Variants in DCLK1 observed in about 807,000 individuals in gnomAD.
DCLK1 encodes the protein serine/threonine-protein kinase DCLK1.
DCLK1 carries 16 observed loss-of-function variants against 86.2 expected under a neutral mutation model. The observed-to-expected ratio is 0.19, with a 90% CI of 0.13 to 0.28. DCLK1 has a LOEUF of 0.28. Among genes scored for constraint, DCLK1 ranks in the 10% least tolerant of loss-of-function variants. The pLI is 1.00. For missense variants in DCLK1, 590 were observed against 940.2 expected (o/e 0.63, Z 4.87); for synonymous variants, 369 against 370.5 (o/e 1.00, Z 0.05).
At chr13:35,875,090 C>CT (rs1238422386) in intron 4 of DCLK1, among the ~76,000 whole-genome samples, 1 of 152,122 alleles carries the variant, frequency 6.6e-6, no homozygotes, top group Non-Finnish European at 1.5e-5. Flanking sequence ...AGTGAGGCCT[C>CT]TTTTTGCTAA....
intron 3 of DCLK1, among the ~76,000 whole-genome samples, chr13:36,102,258 T>TA (rs78130552): frequency 1.0e-3 from 151 of 150,568 alleles, no homozygotes; most frequent in African/African-American, 3.3e-3. Flanking sequence ...TTTTTTTTAA[T>TA]AAAAAAAATC....
chr13:35,796,107 T>G (rs1369751217), intron 15 of DCLK1, among the ~76,000 whole-genome samples: 1 of 152,184 alleles, frequency 6.6e-6, no homozygotes, highest in Non-Finnish European at 1.5e-5. Flanking sequence ...TAGTATCATG[T>G]CTTGGCAGAG....
At chr13:35,910,323 C>T (rs1874938915) in intron 4 of DCLK1, among the ~76,000 whole-genome samples, 1 of 152,160 alleles carries the variant, frequency 6.6e-6, no homozygotes, top group Admixed American at 6.5e-5. Flanking sequence ...TCTGCCTCTA[C>T]AGGAGATGAA....
chr13:35,779,573 A>C (rs1240938434), intron 16 of DCLK1, among the ~76,000 whole-genome samples: 1 of 152,196 alleles, frequency 6.6e-6, no homozygotes, highest in African/African-American at 2.4e-5. Context: ...TTTCTGAATA[A>C]TAACAATAGC....
intron 6 of DCLK1, chr13:35,849,258 T>A: frequency 1.0e-6 from 1 of 985,362 alleles, no homozygotes; most frequent in African/African-American, 1.7e-5. Context: ...GTTGAACAAT[T>A]TATCAGGGAG....
intron 3 of DCLK1, among the ~76,000 whole-genome samples, chr13:36,026,492 T>A (rs986415137): frequency 7.2e-5 from 11 of 152,154 alleles, no homozygotes; most frequent in African/African-American, 2.2e-4. Flanking sequence ...CCATACTACA[T>A]CTAAGACATT....
chr13:35,974,373 G>A (rs1406850455), intron 3 of DCLK1, among the ~76,000 whole-genome samples: 1 of 152,212 alleles, frequency 6.6e-6, no homozygotes, highest in Non-Finnish European at 1.5e-5. Context: ...GCAGAGGGAA[G>A]ACCGTGTAAG....
At chr13:35,853,087 C>A (rs953632628) in intron 6 of DCLK1, among the ~76,000 whole-genome samples, 1 of 152,310 alleles carries the variant, frequency 6.6e-6, no homozygotes, top group Non-Finnish European at 1.5e-5. Flanking sequence ...ACCAGCTCTT[C>A]CTTCACTCAA....
At chr13:35,942,463 A>G (rs1329720942) in intron 4 of DCLK1, among the ~76,000 whole-genome samples, 2 of 152,148 alleles carry the variant, frequency 1.3e-5, no homozygotes, top group Non-Finnish European at 2.9e-5. Flanking sequence ...GATTACAGGC[A>G]TGAGCCACTG....
chr13:36,051,474 A>G (rs539996348), intron 3 of DCLK1, among the ~76,000 whole-genome samples: 40 of 152,134 alleles, frequency 2.6e-4, no homozygotes, highest in African/African-American at 9.4e-4. Flanking sequence ...TTAACAACAC[A>G]TAAGTACATT....
rs973590524 is a variant in DCLK1 at position 35,980,426 on chromosome 13, C to T, written c.724-32969G>A. Among the ~76,000 whole-genome samples the T allele has an allele frequency of 2.0e-5, 3 of 152,272 alleles. No homozygotes were observed. In the East Asian group the frequency reaches 5.8e-4, roughly 29 times the overall value. On this transcript the variant is annotated intron_variant, in intron 3 of 16. Transcript: ENST00000360631. Reference sequence around the variant, plus strand: ...GCAGAGATCGACCACTGCACTCCAGCCTGACAGAGGGAGACCCTGTGTCAA... The same window carrying T: ...GCAGAGATCGACCACTGCACTCCAGTCTGACAGAGGGAGACCCTGTGTCAA...
At chr13:35,777,219 G>A (rs1197843164) in intron 16 of DCLK1, among the ~76,000 whole-genome samples, 2 of 152,116 alleles carry the variant, frequency 1.3e-5, no homozygotes, top group East Asian at 3.9e-4. Context: ...AATATATCAC[G>A]GTCATGGGCA....
At chr13:35,822,988 G>A in intron 10 of DCLK1, 113 bp from the exon 11 acceptor site, 1 of 1,273,376 alleles carries the variant, frequency 7.9e-7, no homozygotes, top group South Asian at 1.4e-5. Flanking sequence ...GGAATCTTTG[G>A]GTTCCTAAAG....
At chr13:35,956,053 C>A (rs1211262134) in intron 3 of DCLK1, among the ~76,000 whole-genome samples, 2 of 152,202 alleles carry the variant, frequency 1.3e-5, no homozygotes, top group Non-Finnish European at 2.9e-5. Flanking sequence ...ACATCCTTTA[C>A]TGTTGTCTAC....
intron 4 of DCLK1, among the ~76,000 whole-genome samples, chr13:35,934,337 C>T (rs1876634632): frequency 6.6e-6 from 1 of 152,168 alleles, no homozygotes. Flanking sequence ...TACCAATTTA[C>T]TGTATTAGTC....
chr13:36,103,100 T>C (rs1021810241), intron 3 of DCLK1, among the ~76,000 whole-genome samples: 3 of 152,148 alleles, frequency 2.0e-5, no homozygotes, highest in African/African-American at 7.2e-5. Flanking sequence ...TGTTTGTTTG[T>C]TTTTAAAGAA....
At chr13:35,882,760 C>T (rs936948480) in intron 4 of DCLK1, among the ~76,000 whole-genome samples, 1 of 152,212 alleles carries the variant, frequency 6.6e-6, no homozygotes, top group African/African-American at 2.4e-5. Flanking sequence ...AACTTAAATT[C>T]ATACATTTTG....
At chr13:35,780,653 G>A (rs753860801) in intron 16 of DCLK1, among the ~76,000 whole-genome samples, 5 of 152,320 alleles carry the variant, frequency 3.3e-5, no homozygotes, top group Middle Eastern at 6.8e-3. Context: ...AAATGGTATA[G>A]AGAAATGGAC....
rs543909357 is a variant in DCLK1, at chr13:35,796,490, C to T, written c.1945-3011G>A. 5.3e-5 allele frequency among the ~76,000 whole-genome samples: 8 copies of T among 152,176 alleles called. No individual in the cohort carries two copies. The South Asian group carries it at 6.2e-4, about 12-fold the overall frequency. Reference sequence around the variant, plus strand: ...AGGCAAAGATGAAACAAAGAGGGAACGAGCAGAGGTGCGGGGGAGGGAAGT... The same window carrying T: ...AGGCAAAGATGAAACAAAGAGGGAATGAGCAGAGGTGCGGGGGAGGGAAGT... On this transcript the variant is annotated intron_variant, in intron 15 of 16. Coordinates refer to ENST00000360631, the MANE Select transcript of DCLK1 (RefSeq NM_001330071.2).
Sources: gnomAD v4.1 joint callset for allele counts (sites outside exome capture counted in the v4.1 genomes callset) on GRCh38, gnomAD v4.1.1 for gene constraint, MANE v1.5 for transcripts, NCBI Gene and HGNC (gene_info 2026-07-23, HGNC 2026-07-21) for gene names.